Variants in CYC1 observed in about 807,000 individuals in gnomAD.
CYC1 encodes the protein cytochrome c1, heme protein, mitochondrial.
CYC1 carries 10 observed loss-of-function variants against 33.8 expected under a neutral mutation model. The ratio of observed to expected loss-of-function variants is 0.30; its 90% CI spans 0.18 to 0.50. The LOEUF is 0.50. CYC1 is among the 20% of genes least tolerant of loss of function. The pLI, the probability that CYC1 is intolerant of heterozygous loss-of-function variation, is 0.98. For missense variants in CYC1, 459 were observed against 437.6 expected (o/e 1.05, Z -0.44); for synonymous variants, 224 against 181.9 (o/e 1.23, Z -1.86).
rs548702965 is a variant in CYC1, at chr8:144,095,110, C to T, written c.11C>T (p.Ala4Val). ...GCGGAGGAGGCCAAGATGGCGGCAG[C>T]TGCGGCTTCGCTTCGCGGGGTAGTG... is the stretch of plus-strand genomic sequence containing the variant. MAA[A>V]AASLRGVVLG... is the part of the protein sequence containing the mutation. Residue 4 changes from alanine (A) to valine (V), a missense_variant, in exon 1 of 7, where the codon GCT (alanine) becomes GTT (valine). Ala to Val is a moderately conservative substitution (Grantham distance 64, BLOSUM62 0). Coordinates refer to ENST00000318911, the MANE Select transcript of CYC1 (RefSeq NM_001916.5). 6.6e-5 allele frequency: 80 copies of T among 1,210,320 alleles called. No homozygotes were observed. In the South Asian group the frequency reaches 2.2e-3, roughly 34 times the overall value. 75.0% of individuals were successfully genotyped at this position (1,210,320 alleles called of 1,614,324 possible). A position where few individuals can be genotyped will look rare whatever the true frequency, so the allele number is the denominator to read the frequency against.
chr8:144,095,734 G>A lies in CYC1; in HGVS notation c.130-99G>A, dbSNP rs1470193546. Reference sequence around the variant, plus strand: ...CAGGGTGTGCGTCTGGTGCCCTGCAGGAGGAGGCCATTGCTGGGTGGAGAG... The same window carrying A: ...CAGGGTGTGCGTCTGGTGCCCTGCAAGAGGAGGCCATTGCTGGGTGGAGAG... On this transcript the variant is annotated intron_variant, in intron 1 of 6. Transcript: ENST00000318911. 1.9e-5 allele frequency: 24 copies of A among 1,294,116 alleles called. No individual in the cohort carries two copies. The Middle Eastern group carries it at 4.2e-3, about 227-fold the overall frequency. The allele number at this position is 1,294,116 out of a possible 1,614,324, so 80.2% of individuals were successfully genotyped here. A position where few individuals can be genotyped will look rare whatever the true frequency, so the allele number is the denominator to read the frequency against.
Position 144,097,131 on chromosome 8 carries a change from C to T in CYC1, c.870C>T (p.Leu290=). The change falls in exon 6 of 7, where the codon CTC becomes CTT. Residue 290 remains leucine (L), a synonymous_variant. Coordinates refer to ENST00000318911, the MANE Select transcript of CYC1 (RefSeq NM_001916.5). ...ACGACCATCGAAAACGCATGGGGCT[C>T]AAGGTAAAAGGGTTGGGAGGCCATG... The part of the protein sequence containing the change: ...PEHDHRKRMG[L]KMLMMMALLV... 6.2e-7 allele frequency: 1 copy of T among 1,612,318 alleles called. No homozygotes were observed. The highest frequency in any genetic ancestry group is 8.5e-7 in the Non-Finnish European group (1 of 1,179,090).
Position 144,096,626 on chromosome 8 carries a change from C to G in CYC1, c.654C>G (p.Tyr218Ter). The change falls in exon 5 of 7, where the codon TAC (tyrosine) becomes TAG (stop). Residue 218 changes from tyrosine (Y) to a stop codon, truncating the protein, a stop_gained. Coordinates refer to ENST00000318911, the MANE Select transcript of CYC1 (RefSeq NM_001916.5). LOFTEE classifies it high-confidence loss of function. ...ACGTCTTCTCCCTGCTCACGGGCTA[C>G]TGCGAGCCACCCACCGGGGTGTCAC... The part of the protein sequence containing the change: ...EDYVFSLLTG[Y>*]CEPPTGVSLR... 1 of 1,614,048 alleles carries G rather than the reference C, an allele frequency of 6.2e-7. No homozygotes were observed. Among genetic ancestry groups the G allele is most frequent in the Non-Finnish European group, 8.5e-7 (1 of 1,180,028 alleles).
Position 144,096,660 on chromosome 8 carries a change from G to T in CYC1, c.688G>T (p.Gly230Cys). 6.2e-7 allele frequency: 1 copy of T among 1,614,044 alleles called. No individual in the cohort carries two copies. Among genetic ancestry groups the T allele is most frequent in the African/African-American group, 1.3e-5 (1 of 75,038 alleles). ...ACCCACCGGGGTGTCACTGCGGGAA[G>T]GTCTCTACTTCAACCCCTACTTTCC... Reference protein sequence around the residue: ...EPPTGVSLREGLYFNPYFPGQ... With the variant: ...EPPTGVSLRECLYFNPYFPGQ... The change falls in exon 5 of 7, where the codon GGT (glycine) becomes TGT (cysteine). Residue 230 changes from glycine to cysteine, a missense_variant. Physicochemically the swap from Gly to Cys is radical, Grantham distance 159 (BLOSUM62 -3). Coordinates refer to ENST00000318911, the MANE Select transcript of CYC1 (RefSeq NM_001916.5).
intron 2 of CYC1, 29 bp downstream of exon 2, chr8:144,096,058 G>C (rs769227684): frequency 6.2e-7 from 1 of 1,600,330 alleles, no homozygotes; most frequent in Non-Finnish European, 8.5e-7. Context: ...GGCTGGCAGC[G>C]GGAGGTTCTG....
Position 144,096,154 on chromosome 8 carries a change from G to A in CYC1, c.357G>A (p.Gln119=). 1 of 1,613,770 alleles carries A rather than the reference G, an allele frequency of 6.2e-7. No homozygotes were observed. The highest frequency in any genetic ancestry group is 8.5e-7 in the Non-Finnish European group (1 of 1,179,914). The part of the protein sequence containing the change: ...SIRRGFQVYK[Q]VCASCHSMDF... ...GGAGGGGTTTCCAGGTATATAAGCA[G>A]GTGTGCGCCTCCTGCCACAGCATGG... The change falls in exon 3 of 7, where the codon CAG becomes CAA. Residue 119 remains glutamine, a synonymous_variant. Transcript: ENST00000318911.
At position 144,097,393 on chromosome 8, in the gene CYC1, A is replaced by C; in HGVS notation, c.*57A>C. The C allele has an allele frequency of 6.8e-7, 1 of 1,481,042 alleles. No homozygotes were observed. Among genetic ancestry groups the C allele is most frequent in the Non-Finnish European group, 9.4e-7 (1 of 1,065,016 alleles). 91.7% of individuals were successfully genotyped at this position (1,481,042 alleles called of 1,614,324 possible). ...GAACAGGCCCTCAAGCCCAAGAGCC[A>C]TCCCAGGCCTGTTCAGGCCTCAGCT... is the stretch of plus-strand genomic sequence containing the variant. On this transcript the variant is annotated 3_prime_UTR_variant, in exon 7 of 7. Coordinates refer to ENST00000318911, the MANE Select transcript of CYC1 (RefSeq NM_001916.5).
Position 144,096,458 on chromosome 8 carries a change from C to T in CYC1, c.575C>T (p.Ala192Val). 6 of 1,614,158 alleles carry T rather than the reference C, an allele frequency of 3.7e-6. No homozygotes were observed. Among genetic ancestry groups the T allele is most frequent in the Non-Finnish European group, 5.1e-6 (6 of 1,180,024 alleles). Residue 192 changes from alanine to valine, a missense_variant, in exon 4 of 7, where the codon GCA (alanine) becomes GTA (valine). Transcript: ENST00000318911. ...SEAARAANNG[A>V]LPPDLSYIVR... is the part of the protein sequence containing the mutation. ...GCTGCTCGAGCTGCCAACAACGGAG[C>T]ATTGCCCCCTGACCTCAGCTACATC...
rs140130660 is a variant in CYC1 at position 144,095,748 on chromosome 8, C to G, written c.130-85C>G. On this transcript the variant is annotated intron_variant, in intron 1 of 6. Coordinates refer to ENST00000318911, the MANE Select transcript of CYC1 (RefSeq NM_001916.5). ...GGTGCCCTGCAGGAGGAGGCCATTG[C>G]TGGGTGGAGAGGTGGGCGCTGAGAG... 949 of 1,454,410 alleles carry G rather than the reference C, an allele frequency of 6.5e-4. 1 individual carries two copies. The highest frequency in any genetic ancestry group is 3.4e-3 in the Middle Eastern group (14 of 4,148). The allele number at this position is 1,454,410 out of a possible 1,614,324, so 90.1% of individuals were successfully genotyped here.
Position 144,095,201 on chromosome 8 carries a change from C to T in CYC1, c.102C>T (p.Pro34=). 2.5e-6 allele frequency: 3 copies of T among 1,202,694 alleles called. No individual in the cohort carries two copies. Among genetic ancestry groups the T allele is most frequent in the Non-Finnish European group, 2.1e-6 (2 of 968,438 alleles). The allele number at this position is 1,202,694 out of a possible 1,614,324, so 74.5% of individuals were successfully genotyped here. Residue 34 remains proline, a synonymous_variant, in exon 1 of 7, where the codon CCC becomes CCT. Coordinates refer to ENST00000318911, the MANE Select transcript of CYC1 (RefSeq NM_001916.5). ...RARGLLCSAR[P]GQLPLRTPQA... ...GGGGTCTGCTGTGCAGCGCGCGTCC[C>T]GGGCAGCTCCCGCTACGGACACCTC...
Position 144,097,312 on chromosome 8 carries a change from G to A in CYC1, c.954G>A (p.Lys318=). Residue 318 remains lysine (K), a synonymous_variant, in exon 7 of 7, where the codon AAG becomes AAA. Transcript: ENST00000318911. ...AGTGGTCAGTCCTGAAGAGTCGGAAGCTGGCATATCGGCCGCCCAAGTGAC... is the reference window on the plus strand; with the variant it reads ...AGTGGTCAGTCCTGAAGAGTCGGAAACTGGCATATCGGCCGCCCAAGTGAC... ...RHKWSVLKSR[K]LAYRPPK 1 of 1,614,074 alleles carries A rather than the reference G, an allele frequency of 6.2e-7. No individual in the cohort carries two copies.
Position 144,096,466 on chromosome 8 carries a change from C to T in CYC1, c.583C>T (p.Pro195Ser). Residue 195 changes from proline to serine, a missense_variant, in exon 4 of 7, where the codon CCT becomes TCT. By Grantham distance (74) the Pro-to-Ser change is moderately conservative. Coordinates refer to ENST00000318911, the MANE Select transcript of CYC1 (RefSeq NM_001916.5). ...AGCTGCCAACAACGGAGCATTGCCCCCTGACCTCAGCTACATCGTGCGAGC... is the reference window on the plus strand; with the variant it reads ...AGCTGCCAACAACGGAGCATTGCCCTCTGACCTCAGCTACATCGTGCGAGC... ...ARAANNGALP[P>S]DLSYIVRARH... 1.9e-6 allele frequency: 3 copies of T among 1,614,112 alleles called. No individual in the cohort carries two copies. The highest frequency in any genetic ancestry group is 1.7e-6 in the Non-Finnish European group (2 of 1,180,010).
At position 144,096,094 on chromosome 8, in the gene CYC1, C is replaced by A. The variant is rs767914902; in HGVS notation, c.327-30C>A. 24 of 1,607,434 alleles carry A rather than the reference C, an allele frequency of 1.5e-5. No homozygotes were observed. The Admixed American group carries it at 1.8e-4, about 12-fold the overall frequency. On this transcript the variant is annotated intron_variant, in intron 2 of 6. Transcript: ENST00000318911. ...GGTGGAGCTGGTAAGGTGGAATCTT[C>A]AGCTTTCCTAACCCTTTCCCTCCCT...
In CYC1 at chr8:144,096,046, C is replaced by G. The variant is rs1307527879; in HGVS notation, c.326+17C>G. On this transcript the variant is annotated intron_variant, in intron 2 of 6. Transcript: ENST00000318911. ...CCACACCAGGTGTGCAGCTGGCTGG[C>G]TGGCTGGCAGCGGGAGGTTCTGGGT... 36 of 1,599,472 alleles carry G rather than the reference C, an allele frequency of 2.3e-5. No individual in the cohort carries two copies. The highest frequency in any genetic ancestry group is 2.9e-5 in the Non-Finnish European group (34 of 1,174,218).
rs1341757255 is a variant in CYC1 at position 144,097,058 on chromosome 8, T to C, written c.797T>C (p.Ile266Thr). Residue 266 changes from isoleucine (I) to threonine (T), a missense_variant, in exon 6 of 7, where the codon ATA becomes ACA. Ile to Thr is a moderately conservative substitution (Grantham distance 89, BLOSUM62 -1). Coordinates refer to ENST00000318911, the MANE Select transcript of CYC1 (RefSeq NM_001916.5). ...DDGTPATMSQIAKDVCTFLRW... is the reference protein window; with the variant it reads ...DDGTPATMSQTAKDVCTFLRW... ...GGCACCCCAGCTACCATGTCCCAGA[T>C]AGCCAAGGATGTGTGCACCTTCCTG... 6.2e-7 allele frequency: 1 copy of C among 1,610,058 alleles called. No individual in the cohort carries two copies. Among genetic ancestry groups the C allele is most frequent in the Admixed American group, 1.7e-5 (1 of 59,540 alleles).
At position 144,096,264 on chromosome 8, in the gene CYC1, G is replaced by A. The variant is rs1276074193; in HGVS notation, c.453+14G>A. 1.2e-6 allele frequency: 2 copies of A among 1,613,718 alleles called. No homozygotes were observed. Among genetic ancestry groups the A allele is most frequent in the South Asian group, 1.1e-5 (1 of 91,078 alleles). On this transcript the variant is annotated intron_variant, in intron 3 of 6. Transcript: ENST00000318911. ...CTGGCTGCGGAGGTGTGGGGTCTGG[G>A]GATGCCTGGGACCCAGGGCTCAGGG...
chr8:144,095,660 A>C, intron 1 of CYC1, 173 bp from the exon 2 acceptor site: 1 of 669,896 alleles, frequency 1.5e-6, no homozygotes, highest in Non-Finnish European at 2.5e-6. Flanking sequence ...CTGAGAGCGA[A>C]TCACGGTCTA....
rs532374383 is a variant in CYC1, at chr8:144,097,467, T to C, written c.*131T>C. ...GAGGCAAGGGGGCAGGAGACCAGGC[T>C]CTAGCTCTGGGCCCTCCTTCAGCCC... On this transcript the variant is annotated 3_prime_UTR_variant, in exon 7 of 7. Coordinates refer to ENST00000318911, the MANE Select transcript of CYC1 (RefSeq NM_001916.5). 688 of 676,958 alleles carry C rather than the reference T, an allele frequency of 1.0e-3. 4 individuals carry two copies. The African/African-American group carries it at 0.011, about 11-fold the overall frequency. The allele number at this position is 676,958 out of a possible 1,614,324, so 41.9% of individuals were successfully genotyped here.
rs1587603314 is a variant in CYC1, at chr8:144,095,985, T to C, written c.282T>C (p.Tyr94=). Residue 94 remains tyrosine, a synonymous_variant, in exon 2 of 7, where the codon TAT becomes TAC. Transcript: ENST00000318911. ...ACCTGGAGCTGCACCCCCCCAGCTA[T>C]CCGTGGTCTCACCGTGGCCTCCTCT... ...ASDLELHPPS[Y]PWSHRGLLSS... 6.2e-7 allele frequency: 1 copy of C among 1,606,716 alleles called. No individual in the cohort carries two copies. Among genetic ancestry groups the C allele is most frequent in the Non-Finnish European group, 8.5e-7 (1 of 1,179,200 alleles).
Sources: gnomAD v4.1 joint callset for allele counts on GRCh38, gnomAD v4.1.1 for gene constraint, MANE v1.5 for transcripts, NCBI Gene and HGNC (gene_info 2026-07-23, HGNC 2026-07-21) for gene names.